PDZD2: variants seen among roughly 807,000 people sequenced by gnomAD.
The protein encoded by PDZD2 is PDZ domain-containing protein 2.
Under a neutral mutation model 220.7 loss-of-function variants are expected in PDZD2, and 90 were observed. The ratio of observed to expected loss-of-function variants is 0.41; its 90% confidence interval spans 0.34 to 0.49. The LOEUF is 0.49. PDZD2 is among the 20% of genes least tolerant of loss of function. The pLI is 0.28. For missense variants in PDZD2, 3,174 were observed against 3,608.5 expected, an observed-to-expected ratio of 0.88 and a Z score of 3.08; for synonymous variants, 1,375 against 1,450.5, an observed-to-expected ratio of 0.95 and a Z score of 1.18.
intron 1 of PDZD2, among the ~76,000 whole-genome samples, chr5:31,702,918 AG>A (rs1474580076): frequency 6.6e-6 from 1 of 152,218 alleles, no homozygotes; most frequent in Non-Finnish European, 1.5e-5. Flanking sequence ...TGGGGGAATC[AG>A]GGAGCTATGA....
intron 2 of PDZD2, among the ~76,000 whole-genome samples, chr5:31,927,997 A>G (rs1324047858): frequency 1.3e-5 from 2 of 152,078 alleles, no homozygotes; most frequent in Non-Finnish European, 2.9e-5. Context: ...CAGTATGCCT[A>G]CCCTCACTGA....
intron 1 of PDZD2, among the ~76,000 whole-genome samples, chr5:31,686,939 A>G (rs931954630): frequency 1.7e-4 from 26 of 152,110 alleles, no homozygotes; most frequent in Admixed American, 1.6e-3. Flanking sequence ...GTGCCTAACC[A>G]CTCGGAATCT....
chr5:32,091,125 T>TA lies in PDZD2; in HGVS notation c.7678dup (p.Thr2560AsnfsTer3), dbSNP rs1418835283. 6.3e-7 allele frequency: 1 copy of TA among 1,596,488 alleles called. No homozygotes were observed. Among genetic ancestry groups the TA allele is most frequent in the African/African-American group, 1.3e-5 (1 of 74,702 alleles). On this transcript the variant is annotated frameshift_variant, in exon 20 of 25. Transcript: ENST00000438447. LOFTEE classifies it high-confidence loss of function. ...CTGAGACACCCAGTTCAGCCAGTGA[T>TA]ACGGGTGAAGCTGCCCAGGATCTGC...
At chr5:31,737,424 G>A (rs1054634008) in intron 1 of PDZD2, among the ~76,000 whole-genome samples, 2 of 152,018 alleles carry the variant, frequency 1.3e-5, no homozygotes, top group Non-Finnish European at 2.9e-5. Context: ...CGCCCGCCTT[G>A]GCCTCCCAAA....
intron 2 of PDZD2, among the ~76,000 whole-genome samples, chr5:31,817,924 G>A (rs186256410): frequency 2.0e-5 from 3 of 150,330 alleles, no homozygotes; most frequent in East Asian, 1.9e-4. Flanking sequence ...TTGGCCTCCC[G>A]AAGTACTGGG....
chr5:32,061,473 T>C (rs1739687430), intron 14 of PDZD2, among the ~76,000 whole-genome samples: 1 of 152,254 alleles, frequency 6.6e-6, no homozygotes. Flanking sequence ...ACGATCTCTA[T>C]GACCCTGTCA....
Position 32,088,753 on chromosome 5 carries a change from G to A in PDZD2, c.5305G>A (p.Glu1769Lys). The change falls in exon 20 of 25, where the codon GAA becomes AAA. Residue 1769 changes from glutamate (E) to lysine (K), a missense_variant. Physicochemically the swap from Glu to Lys is moderately conservative, Grantham distance 56. Coordinates refer to ENST00000438447, the MANE Select transcript of PDZD2 (RefSeq NM_178140.4). The surrounding 1 kb of genome is among the most constrained non-coding windows in gnomAD (Gnocchi z 4.6). The stretch of plus-strand genomic sequence containing the variant: ...CAGTGTGGATGTCCCTAAGAATGGA[G>A]AATCTGTTTTGGAAAACCTCCACAT... ...SFSVDVPKNG[E>K]SVLENLHISE... The A allele has an allele frequency of 6.2e-7, 1 of 1,614,108 alleles. No homozygotes were observed. The highest frequency in any genetic ancestry group is 1.6e-4 in the Middle Eastern group (1 of 6,062).
At chr5:31,728,225 C>G (rs1749298174) in intron 1 of PDZD2, among the ~76,000 whole-genome samples, 1 of 151,946 alleles carries the variant, frequency 6.6e-6, no homozygotes, top group African/African-American at 2.4e-5. Flanking sequence ...CAGCACTCCC[C>G]CATGTCCCCA....
intron 2 of PDZD2, among the ~76,000 whole-genome samples, chr5:31,896,409 T>G (rs1302253241): frequency 2.0e-5 from 3 of 151,298 alleles, no homozygotes; most frequent in African/African-American, 7.3e-5. Context: ...GGTCACAGTT[T>G]AGTGCCTAGG....
intron 4 of PDZD2, among the ~76,000 whole-genome samples, chr5:31,997,685 T>G (rs989853134): frequency 4.6e-5 from 7 of 152,220 alleles, no homozygotes; most frequent in Non-Finnish European, 8.8e-5. Context: ...CTGAGCCATT[T>G]CTATTGGGTC....
At chr5:31,945,680 C>T (rs919508540) in intron 2 of PDZD2, among the ~76,000 whole-genome samples, 17 of 151,906 alleles carry the variant, frequency 1.1e-4, no homozygotes, top group African/African-American at 3.6e-4. Flanking sequence ...GGTGTTCTGC[C>T]GCAGCTTTCA....
At chr5:32,009,375 TA>T (rs544170481) in intron 5 of PDZD2, among the ~76,000 whole-genome samples, 3 of 150,342 alleles carry the variant, frequency 2.0e-5, no homozygotes, top group East Asian at 2.0e-4. Flanking sequence ...AAAAAATCAA[TA>T]AAAAAAAGAT....
chr5:32,049,770 A>C (rs1738339343), intron 8 of PDZD2, among the ~76,000 whole-genome samples: 1 of 152,148 alleles, frequency 6.6e-6, no homozygotes, highest in Non-Finnish European at 1.5e-5. Flanking sequence ...AATTCACCCA[A>C]AGGCAACTTG....
At chr5:31,780,562 T>C (rs1191544795) in intron 1 of PDZD2, among the ~76,000 whole-genome samples, 1 of 152,206 alleles carries the variant, frequency 6.6e-6, no homozygotes, top group Non-Finnish European at 1.5e-5. Flanking sequence ...CCCTCTGGGA[T>C]AGAAATAAAG....
intron 2 of PDZD2, among the ~76,000 whole-genome samples, chr5:31,905,051 C>T (rs1581040949): frequency 6.6e-6 from 1 of 152,090 alleles, no homozygotes. Context: ...CCACTGCAAC[C>T]TCCGTCTCCT....
intron 2 of PDZD2, among the ~76,000 whole-genome samples, chr5:31,820,340 C>T (rs773128841): frequency 5.3e-5 from 8 of 152,104 alleles, no homozygotes; most frequent in East Asian, 1.9e-4. Flanking sequence ...CCATGGCAAA[C>T]GAAAAACAGC....
rs1382539125 is a variant in PDZD2, at chr5:31,690,882, T to C, written c.-361+51445T>C. 2.0e-5 allele frequency among the ~76,000 whole-genome samples: 3 copies of C among 152,216 alleles called. No homozygotes were observed. The East Asian group carries it at 5.8e-4, about 29-fold the overall frequency. On this transcript the variant is annotated intron_variant, in intron 1 of 24. Coordinates refer to ENST00000438447, the MANE Select transcript of PDZD2 (RefSeq NM_178140.4). ...CCAGCCCACTACACTCAGTGAATGC[T>C]ACCCATGATGATGATGATGATGACC... is the stretch of plus-strand genomic sequence containing the variant.
chr5:31,906,384 A>G (rs1164080288), intron 2 of PDZD2, among the ~76,000 whole-genome samples: 2 of 150,532 alleles, frequency 1.3e-5, no homozygotes, highest in African/African-American at 2.4e-5. Context: ...CAGTTTTTGT[A>G]TTTTTGGTAG....
intron 1 of PDZD2, among the ~76,000 whole-genome samples, chr5:31,673,898 G>C (rs1013019514): frequency 6.6e-6 from 1 of 152,172 alleles, no homozygotes; most frequent in Non-Finnish European, 1.5e-5. Context: ...TTGAACCCGG[G>C]AGGCAGAGTT....
Sources: allele counts gnomAD v4.1 joint callset (sites outside exome capture counted in the v4.1 genomes callset), GRCh38; gene constraint gnomAD v4.1.1; non-coding constraint Gnocchi (gnomAD v3.1); transcripts MANE v1.5; gene names NCBI Gene and HGNC (gene_info 2026-07-23, HGNC 2026-07-21).